The following SHROOM3 variants were observed in gnomAD, a reference collection of about 807,000 sequenced individuals.
The protein encoded by SHROOM3 is shroom family member 3.
In SHROOM3, 47 loss-of-function variants were observed where a neutral mutation model predicts 138.6. That is an observed-to-expected ratio of 0.34 (90% CI 0.27 to 0.43). The LOEUF (loss-of-function observed/expected upper bound fraction) is 0.43, where lower values mean the gene tolerates loss of function less well. Among genes scored for constraint, SHROOM3 ranks in the 20% least tolerant of loss-of-function variants. The pLI, the probability that SHROOM3 is intolerant of heterozygous loss-of-function variation, is 1.00. For synonymous variants in SHROOM3, 1,062 were observed against 1,063.3 expected, an observed-to-expected ratio of 1.00 and a Z score of 0.02; for missense variants, 2,491 against 2,596.5, an observed-to-expected ratio of 0.96 and a Z score of 0.88.
At position 76,741,786 on chromosome 4, in the gene SHROOM3, AC is replaced by A; in HGVS notation, c.3618del (p.Arg1207GlyfsTer32). On this transcript the variant is annotated frameshift_variant, in exon 5 of 11. Transcript: ENST00000296043. LOFTEE classifies it high-confidence loss of function. This position sits in a 1 kb window ranked among gnomAD's most constrained non-coding sequence, Gnocchi z 6.2. ...AAGGGGCACCCAGAGAGGGGATGAG[AC>A]CCCCAGGGAGCCATCCTCCTGGGGG... ...GTRGTQRGDE[T>X]PREPSSWGAR... The A allele has an allele frequency of 6.3e-7, 1 of 1,577,428 alleles. No homozygotes were observed. Among genetic ancestry groups the A allele is most frequent in the Non-Finnish European group, 8.6e-7 (1 of 1,162,232 alleles).
chr4:76,640,142 C>T (rs932746277), intron 2 of SHROOM3, among the ~76,000 whole-genome samples: 4 of 152,090 alleles, frequency 2.6e-5, no homozygotes, highest in East Asian at 1.9e-4. Context: ...CCATAGTTCA[C>T]GCTCAAAGAA....
chr4:76,685,898 G>A (rs2110105398), intron 2 of SHROOM3, among the ~76,000 whole-genome samples: 1 of 152,276 alleles, frequency 6.6e-6, no homozygotes, highest in Admixed American at 6.5e-5. Context: ...CTTGAACAAG[G>A]GAGGCAGAGG....
At chr4:76,608,646 C>G (rs1314076567) in intron 2 of SHROOM3, among the ~76,000 whole-genome samples, 1 of 19,852 alleles carries the variant, frequency 5.0e-5, no homozygotes, top group East Asian at 6.3e-3. Flanking sequence ...CATAGCATAG[C>G]ATAGCATAGC....
chr4:76,576,415 C>T (rs1733941637), intron 2 of SHROOM3, among the ~76,000 whole-genome samples: 1 of 152,124 alleles, frequency 6.6e-6, no homozygotes, highest in African/African-American at 2.4e-5. Context: ...ACAAACTTTG[C>T]ATATTCTCAC....
intron 2 of SHROOM3, among the ~76,000 whole-genome samples, chr4:76,612,112 G>A (rs1734776769): frequency 6.6e-6 from 1 of 152,146 alleles, no homozygotes; most frequent in African/African-American, 2.4e-5. Flanking sequence ...CCCGCTCAGA[G>A]GGAATTCTGC....
intron 2 of SHROOM3, among the ~76,000 whole-genome samples, chr4:76,580,909 A>ATG (rs754815916): frequency 6.6e-6 from 1 of 152,206 alleles, no homozygotes; most frequent in African/African-American, 2.4e-5. Flanking sequence ...CGTAACTGAT[A>ATG]TGTGCTTCTA....
In SHROOM3 at chr4:76,778,832, G is replaced by A; in HGVS notation, c.5646G>A (p.Lys1882=). ...AGAGCTCTCTTTACGAGAAAAGGAA[G>A]ATCCTGGCTGGTCAGCATGAGGATG... ...EERSSLYEKR[K]ILAGQHEDAR... is the part of the protein sequence containing the mutation. Residue 1882 remains lysine, a synonymous_variant, in exon 11 of 11, where the codon AAG becomes AAA. Transcript: ENST00000296043. The A allele has an allele frequency of 1.2e-6, 2 of 1,612,436 alleles. No homozygotes were observed. The highest frequency in any genetic ancestry group is 1.7e-6 in the Non-Finnish European group (2 of 1,180,024).
intron 5 of SHROOM3, chr4:76,742,251 T>C (rs78797549): frequency 6.2e-6 from 1 of 162,148 alleles, no homozygotes; most frequent in Non-Finnish European, 1.3e-5. Flanking sequence ...TGTTTTTTGC[T>C]TTTTTTTTTT....
chr4:76,514,148 A>G (rs1353389150), intron 1 of SHROOM3, among the ~76,000 whole-genome samples: 1 of 152,244 alleles, frequency 6.6e-6, no homozygotes, highest in African/African-American at 2.4e-5. Flanking sequence ...CCATATGGCC[A>G]GGAATTGCAC....
intron 2 of SHROOM3, among the ~76,000 whole-genome samples, chr4:76,560,418 C>A (rs998173596): frequency 4.6e-5 from 7 of 152,156 alleles, no homozygotes; most frequent in African/African-American, 1.2e-4. Flanking sequence ...CATATTTTTA[C>A]CCTGAGTTCA....
intron 2 of SHROOM3, among the ~76,000 whole-genome samples, chr4:76,692,913 G>C (rs1389381137): frequency 6.6e-6 from 1 of 152,168 alleles, no homozygotes; most frequent in African/African-American, 2.4e-5. Context: ...TTTCGTGATG[G>C]TTTCATAGGT....
At position 76,779,493 on chromosome 4, in the gene SHROOM3, C is replaced by G. The variant is rs1354586324; in HGVS notation, c.*316C>G. 3.3e-6 allele frequency: 1 copy of G among 304,998 alleles called. No homozygotes were observed. The highest frequency in any genetic ancestry group is 6.2e-6 in the Non-Finnish European group (1 of 162,082). 18.9% of individuals were successfully genotyped at this position (304,998 alleles called of 1,614,324 possible). A position where few individuals can be genotyped will look rare whatever the true frequency, so the allele number is the denominator to read the frequency against. ...TTTAACAGGCTGAGGCAACATGGATCAGTGTGTGTCCCCCTCAGGAATGTA... is the reference window on the plus strand; with the variant it reads ...TTTAACAGGCTGAGGCAACATGGATGAGTGTGTGTCCCCCTCAGGAATGTA... On this transcript the variant is annotated 3_prime_UTR_variant, in exon 11 of 11. Coordinates refer to ENST00000296043, the MANE Select transcript of SHROOM3 (RefSeq NM_020859.4).
At chr4:76,497,190 A>G (rs1731986472) in intron 1 of SHROOM3, among the ~76,000 whole-genome samples, 2 of 152,218 alleles carry the variant, frequency 1.3e-5, no homozygotes, top group South Asian at 4.1e-4. Flanking sequence ...ATGATTTCTG[A>G]TTTCACAGTC....
chr4:76,450,301 G>T (rs531905508), intron 1 of SHROOM3, among the ~76,000 whole-genome samples: 4 of 152,246 alleles, frequency 2.6e-5, no homozygotes, highest in Non-Finnish European at 5.9e-5. Context: ...ATGTAAAATG[G>T]TGCAGCCACT....
chr4:76,656,722 A>G (rs1736072190), intron 2 of SHROOM3, among the ~76,000 whole-genome samples: 1 of 152,258 alleles, frequency 6.6e-6, no homozygotes, highest in Non-Finnish European at 1.5e-5. Flanking sequence ...GCAGGCCAGT[A>G]GACGTGGATC....
At chr4:76,710,584 T>A (rs925229684) in intron 3 of SHROOM3, among the ~76,000 whole-genome samples, 1 of 152,184 alleles carries the variant, frequency 6.6e-6, no homozygotes, top group African/African-American at 2.4e-5. Flanking sequence ...TTATAATTAT[T>A]TGTAAAACTA....
At chr4:76,562,153 C>T (rs2110033296) in intron 2 of SHROOM3, among the ~76,000 whole-genome samples, 1 of 152,300 alleles carries the variant, frequency 6.6e-6, no homozygotes, top group African/African-American at 2.4e-5. Flanking sequence ...CACCGGACTA[C>T]TTTGGATGCC....
chr4:76,637,547 A>AT (rs1018587532), intron 2 of SHROOM3: 5 of 152,008 alleles, frequency 3.3e-5, no homozygotes, highest in African/African-American at 1.2e-4. Flanking sequence ...TTCCTTTATA[A>AT]TTTTTTGAGA....
At position 76,740,717 on chromosome 4, in the gene SHROOM3, C is replaced by A; in HGVS notation, c.2544C>A (p.Phe848Leu). ...CCCTAGGCAACGGGGAGCAGCACTT[C>A]AAAAACGGGGAGCTGAAGTTGGAAG... Reference protein sequence around the residue: ...AEPLGNGEQHFKNGELKLEEA... With the variant: ...AEPLGNGEQHLKNGELKLEEA... Residue 848 changes from phenylalanine (F) to leucine (L), a missense_variant, in exon 5 of 11, where the codon TTC becomes TTA. By Grantham distance (22) the Phe-to-Leu change is conservative (BLOSUM62 0). Transcript: ENST00000296043. The surrounding 1 kb of genome is among the most constrained non-coding windows in gnomAD (Gnocchi z 4.0). 1.2e-6 allele frequency: 2 copies of A among 1,613,652 alleles called. No individual in the cohort carries two copies. The highest frequency in any genetic ancestry group is 1.7e-6 in the Non-Finnish European group (2 of 1,179,992).
Sources: allele counts gnomAD v4.1 joint callset (sites outside exome capture counted in the v4.1 genomes callset), GRCh38; gene constraint gnomAD v4.1.1; non-coding constraint Gnocchi (gnomAD v3.1); transcripts MANE v1.5; gene names NCBI Gene and HGNC (gene_info 2026-07-23, HGNC 2026-07-21).